Variants in ADAM8 observed in about 807,000 individuals in gnomAD.
ADAM8 encodes the protein ADAM metallopeptidase domain 8, also known as disintegrin and metalloproteinase domain-containing protein 8.
In ADAM8, 104 loss-of-function variants were observed where a neutral mutation model predicts 102.4. That is an observed-to-expected ratio of 1.02 (90% CI 0.87 to 1.20). ADAM8 has a LOEUF of 1.20. Among genes scored for constraint, ADAM8 ranks in the 50% most tolerant of loss-of-function variants. ADAM8 has a pLI of 0.00. For missense variants in ADAM8, 1,132 were observed against 1,159.0 expected (o/e 0.98, Z 0.34); for synonymous variants, 517 against 485.2 (o/e 1.07, Z -0.86).
At chr10:133,270,237 G>C in intron 16 of ADAM8, 123 bp downstream of exon 16, 2 of 1,308,080 alleles carry the variant, frequency 1.5e-6, no homozygotes, top group Non-Finnish European at 2.1e-6. Context: ...TACTAGAAGC[G>C]CGGAGAGAAC....
At chr10:133,271,111 C>A (rs896757946) in intron 13 of ADAM8, 41 bp from the exon 14 acceptor site, 1 of 1,595,912 alleles carries the variant, frequency 6.3e-7, no homozygotes, top group South Asian at 1.1e-5. Context: ...GACAGGTCCA[C>A]GCAAGCTGCC....
chr10:133,269,138 A>G, intron 18 of ADAM8: 1 of 985,416 alleles, frequency 1.0e-6, no homozygotes, highest in Middle Eastern at 5.2e-4. Context: ...CCGGGGAGGA[A>G]ATGCTGGGTG....
chr10:133,273,903 GC>G (rs768028475), intron 4 of ADAM8, 47 bp downstream of exon 4: 6 of 1,557,550 alleles, frequency 3.9e-6, no homozygotes, highest in Non-Finnish European at 5.2e-6. Flanking sequence ...CTCGGGGAGG[GC>G]CGCCCAGCCC....
At chr10:133,275,131 C>CT (rs1389503147) in intron 2 of ADAM8, 2 of 333,262 alleles carry the variant, frequency 6.0e-6, no homozygotes, top group African/African-American at 2.4e-5. Context: ...CCCGCCAGGC[C>CT]CCCCCCCCAA....
Position 133,268,016 on chromosome 10 carries a change from G to A in ADAM8, c.2166C>T (p.Gly722=). 6 of 1,260,800 alleles carry A rather than the reference G, an allele frequency of 4.8e-6. No homozygotes were observed. In the South Asian group the frequency reaches 1.2e-4, roughly 25 times the overall value. The allele number at this position is 1,260,800 out of a possible 1,614,324, so 78.1% of individuals were successfully genotyped here. The change falls in exon 20 of 23, where the codon GGC becomes GGT. Residue 722 remains glycine (G), a synonymous_variant. Transcript: ENST00000445355. ...GGGTGGTGGGGACCAGCTCTTGGGG[G>A]CCCCTGGATGGGGCTGGAGCCCCGC... is the stretch of plus-strand genomic sequence containing the variant. ...AKGGAPAPSR[G]PQELVPTTHP... is the part of the protein sequence containing the mutation.
chr10:133,263,173 C>A lies in ADAM8; in HGVS notation c.2458G>T (p.Ala820Ser), dbSNP rs561363568. Residue 820 changes from alanine (A) to serine (S), a missense_variant, in exon 23 of 23, where the codon GCT becomes TCT. Coordinates refer to ENST00000445355, the MANE Select transcript of ADAM8 (RefSeq NM_001109.5). ...GTGCCCCCCTAGGGTGCTGTGGGAG[C>A]TCCGGCTCCTTGCTTCCTCTGGATG... ...PPIQRKQGAG[A>S]PTAP The A allele has an allele frequency of 6.6e-5, 106 of 1,613,898 alleles. No homozygotes were observed. The Admixed American group carries it at 1.1e-3, about 18-fold the overall frequency.
In ADAM8 at chr10:133,273,957, G is replaced by A. The variant is rs143708841; in HGVS notation, c.300C>T (p.Arg100=). The change falls in exon 4 of 23, where the codon CGC becomes CGT. Residue 100 remains arginine (R), a synonymous_variant. Transcript: ENST00000445355. ...TGCTCCGCCCGACCCATACCTGCCC[G>A]CGAGGCTGCTCCGTCACCTCGGAGC... ...ANGSEVTEQP[R]GQDHCFYQGH... 3.0e-5 allele frequency: 48 copies of A among 1,600,684 alleles called. No homozygotes were observed. The African/African-American group carries it at 4.3e-4, about 14-fold the overall frequency.
In ADAM8 at chr10:133,262,999, G is replaced by C; in HGVS notation, c.*157C>G. 1.1e-6 allele frequency: 1 copy of C among 887,260 alleles called. No individual in the cohort carries two copies. Among genetic ancestry groups the C allele is most frequent in the Non-Finnish European group, 1.9e-6 (1 of 537,102 alleles). The allele number at this position is 887,260 out of a possible 1,614,324, so 55.0% of individuals were successfully genotyped here. On this transcript the variant is annotated 3_prime_UTR_variant, in exon 23 of 23. Coordinates refer to ENST00000445355, the MANE Select transcript of ADAM8 (RefSeq NM_001109.5). ...TTGGCTGAGGGCGTGGACAGCAGGAGCCTCTCAGGTAGATGCATTCCTGAG... is the reference window on the plus strand; with the variant it reads ...TTGGCTGAGGGCGTGGACAGCAGGACCCTCTCAGGTAGATGCATTCCTGAG...
chr10:133,265,303 C>A (rs1363206233), intron 21 of ADAM8, among the ~76,000 whole-genome samples: 1 of 146,048 alleles, frequency 6.8e-6, no homozygotes, highest in Admixed American at 6.8e-5. Context: ...TACCACCACG[C>A]CCGGCTCCTG....
chr10:133,273,845 G>A lies in ADAM8; in HGVS notation c.307-7C>T. On this transcript the variant is annotated splice_region_variant and splice_polypyrimidine_tract_variant and intron_variant, in intron 4 of 22. Transcript: ENST00000445355. ...CCTGGTAGAAGCAGTGGTCCTGCGG[G>A]GGAAGCAGGAGAGGGGTCCACAGGC... is the stretch of plus-strand genomic sequence containing the variant. 1.9e-6 allele frequency: 3 copies of A among 1,549,104 alleles called. No individual in the cohort carries two copies. Among genetic ancestry groups the A allele is most frequent in the East Asian group, 2.4e-5 (1 of 40,984 alleles).
chr10:133,272,661 G>A lies in ADAM8; in HGVS notation c.706-76C>T. 1.9e-6 allele frequency: 3 copies of A among 1,546,072 alleles called. No individual in the cohort carries two copies. In the South Asian group the frequency reaches 3.6e-5, roughly 19 times the overall value. The stretch of plus-strand genomic sequence containing the variant: ...GCAGGGAGGGTGGGTGGCGGAGGAT[G>A]CACCTGTCCCACGGCGAGGTGGGGC... On this transcript the variant is annotated intron_variant, in intron 8 of 22. Coordinates refer to ENST00000445355, the MANE Select transcript of ADAM8 (RefSeq NM_001109.5).
At chr10:133,263,840 G>T in intron 21 of ADAM8, 75 bp from the exon 22 acceptor site, 1 of 1,255,980 alleles carries the variant, frequency 8.0e-7, no homozygotes, top group Non-Finnish European at 1.1e-6. Context: ...ACCTTCTCTG[G>T]ACCTGGAACG....
chr10:133,269,466 G>C lies in ADAM8; in HGVS notation c.1927C>G (p.Leu643Val). The C allele has an allele frequency of 1.2e-6, 2 of 1,600,258 alleles. No homozygotes were observed. Among genetic ancestry groups the C allele is most frequent in the South Asian group, 2.2e-5 (2 of 90,256 alleles). ...AGWAPPHCAK[L>V]LTEVHAASGS... ...CTACCTGCGTGCACCTCAGTCAGCAGCTTCGCGCAGTGGGGCGGGGCCCAG... is the reference window on the plus strand; with the variant it reads ...CTACCTGCGTGCACCTCAGTCAGCACCTTCGCGCAGTGGGGCGGGGCCCAG... Residue 643 changes from leucine to valine, a missense_variant, in exon 18 of 23, where the codon CTG (leucine) becomes GTG (valine). Transcript: ENST00000445355.
At chr10:133,271,988 G>A (rs752428248) in intron 10 of ADAM8, 34 bp from the exon 11 acceptor site, 2 of 1,597,408 alleles carry the variant, frequency 1.3e-6, no homozygotes, top group South Asian at 1.1e-5. Context: ...GGAACCATGT[G>A]GCCAACTCCC....
At chr10:133,265,463 A>G (rs1457143194) in intron 21 of ADAM8, among the ~76,000 whole-genome samples, 1 of 152,228 alleles carries the variant, frequency 6.6e-6, no homozygotes, top group Admixed American at 6.5e-5. Context: ...AAGTTAGTTC[A>G]AATAAAAAGT....
intron 2 of ADAM8, chr10:133,274,995 A>C (rs1589813893): frequency 2.9e-6 from 1 of 344,204 alleles, no homozygotes; most frequent in South Asian, 2.1e-5. Flanking sequence ...CCCTCCCTGG[A>C]AACAGGTGCA....
rs765796189 is a variant in ADAM8 at position 133,275,532 on chromosome 10, C to G, written c.102G>C (p.Pro34=). Residue 34 remains proline (P), a synonymous_variant, in exon 2 of 23, where the codon CCG becomes CCC. Coordinates refer to ENST00000445355, the MANE Select transcript of ADAM8 (RefSeq NM_001109.5). ...ALMEQYEVVL[P]WRLPGPRVRR... is the part of the protein sequence containing the mutation. ...GGACTCGGGGGCCTGGCAGACGCCA[C>G]GGCAACACGACCTCATACTGCTCCA... 5 of 1,523,004 alleles carry G rather than the reference C, an allele frequency of 3.3e-6. No individual in the cohort carries two copies. The South Asian group carries it at 6.3e-5, about 19-fold the overall frequency. 94.3% of individuals were successfully genotyped at this position (1,523,004 alleles called of 1,614,324 possible).
At chr10:133,273,555 C>T in intron 5 of ADAM8, 112 bp from the exon 6 acceptor site, 1 of 1,340,690 alleles carries the variant, frequency 7.5e-7, no homozygotes, top group Non-Finnish European at 1.0e-6. Context: ...CTGCCACCAG[C>T]AGCCCCCCGC....
Position 133,272,566 on chromosome 10 carries a change from A to G in ADAM8, c.725T>C (p.Phe242Ser). 1 of 1,610,574 alleles carries G rather than the reference A, an allele frequency of 6.2e-7. No homozygotes were observed. The highest frequency in any genetic ancestry group is 8.5e-7 in the Non-Finnish European group (1 of 1,179,148). ...HVDKLYQKLN[F>S]RVVLVGLEIW... The stretch of plus-strand genomic sequence containing the variant: ...CTCCAGGCCCACCAGGACCACACGG[A>G]AGTTGAGTTTCTGATATAGCTGGAG... The change falls in exon 9 of 23, where the codon TTC becomes TCC. Residue 242 changes from phenylalanine to serine, a missense_variant. By Grantham distance (155) the Phe-to-Ser change is radical (BLOSUM62 -2). Coordinates refer to ENST00000445355, the MANE Select transcript of ADAM8 (RefSeq NM_001109.5).
Sources: gnomAD v4.1 joint callset for allele counts (sites outside exome capture counted in the v4.1 genomes callset) on GRCh38, gnomAD v4.1.1 for gene constraint, MANE v1.5 for transcripts, NCBI Gene and HGNC (gene_info 2026-07-23, HGNC 2026-07-21) for gene names.